Variants in HPD observed in about 807,000 individuals in gnomAD.
The protein encoded by HPD is 4-hydroxyphenylpyruvate dioxygenase.
Under a neutral mutation model 56.9 loss-of-function variants are expected in HPD, and 35 were observed. That is an observed-to-expected ratio of 0.62 (90% CI 0.47 to 0.82). The LOEUF is 0.82. HPD is among the 40% of genes least tolerant of loss of function. HPD has a pLI of 0.00. For synonymous variants in HPD, 186 were observed against 200.2 expected, an observed-to-expected ratio of 0.93 and a Z score of 0.60; for missense variants, 442 against 506.8, an observed-to-expected ratio of 0.87 and a Z score of 1.23.
chr12:121,850,866 T>C (rs1208095893), intron 7 of HPD, among the ~76,000 whole-genome samples: 2 of 139,478 alleles, frequency 1.4e-5, no homozygotes, highest in Non-Finnish European at 3.1e-5. Context: ...ACCTGGCTAA[T>C]TTTTTTTTTT....
At chr12:121,869,441 C>T in the HPD span, among the ~76,000 whole-genome samples, 6 of 151,628 alleles carry the variant, frequency 4.0e-5, no homozygotes, top group African/African-American at 1.5e-4. Context: ...AGGGGGTCCT[C>T]CCGCCAAAGT....
At chr12:121,875,671 C>T in the HPD span, among the ~76,000 whole-genome samples, 1 of 152,066 alleles carries the variant, frequency 6.6e-6, no homozygotes, top group African/African-American at 2.4e-5. Flanking sequence ...AGTACACTGC[C>T]CACTTCGGCG....
chr12:121,873,491 C>T, the HPD span, among the ~76,000 whole-genome samples: 2 of 152,218 alleles, frequency 1.3e-5, no homozygotes, highest in African/African-American at 4.8e-5. Flanking sequence ...CCAGTCCAGC[C>T]TCCTCTGCTT....
rs1380554519 is a variant in HPD at position 121,852,012 on chromosome 12, C to T, written c.415-2222G>A. On this transcript the variant is annotated intron_variant, in intron 7 of 13. Transcript: ENST00000289004. ...TGCTGGGATTACAGGCGTGAGCCAC[C>T]GCGCCCGGCCTATTCATTTATTTTT... Among the ~76,000 whole-genome samples the T allele has an allele frequency of 5.2e-4, 2 of 3,830 alleles. 1 individual carries two copies. Among genetic ancestry groups the T allele is most frequent in the Non-Finnish European group, 1.6e-3 (2 of 1,270 alleles). 2.5% of individuals were successfully genotyped at this position (3,830 alleles called of 152,430 possible).
intron 12 of HPD, 137 bp downstream of exon 12, chr12:121,843,573 T>C: frequency 1.0e-6 from 1 of 961,978 alleles, no homozygotes; most frequent in East Asian, 2.6e-5. Flanking sequence ...TCCTCCCACA[T>C]AGACCCTAGA....
chr12:121,884,923 A>G, the HPD span, among the ~76,000 whole-genome samples: 1 of 152,030 alleles, frequency 6.6e-6, no homozygotes, highest in Non-Finnish European at 1.5e-5. Context: ...GAGTCTCACT[A>G]TATGGTCCAG....
upstream of HPD, among the ~76,000 whole-genome samples, chr12:121,866,722 T>C (rs964334241): frequency 1.3e-5 from 2 of 152,114 alleles, no homozygotes; most frequent in African/African-American, 4.8e-5. Flanking sequence ...TTTGTAAATA[T>C]GGCTTCTATT....
At chr12:121,850,164 G>A (rs1013489291) in intron 7 of HPD, among the ~76,000 whole-genome samples, 26 of 152,070 alleles carry the variant, frequency 1.7e-4, no homozygotes, top group Non-Finnish European at 5.9e-5. Flanking sequence ...GCTTAGGCCT[G>A]TAATCCCAGC....
upstream of HPD, among the ~76,000 whole-genome samples, chr12:121,863,180 C>T (rs1327925866): frequency 6.6e-6 from 1 of 151,814 alleles, no homozygotes; most frequent in Non-Finnish European, 1.5e-5. Flanking sequence ...GACAGGGCTT[C>T]GCCATGTTGG....
chr12:121,884,802 T>C, the HPD span, among the ~76,000 whole-genome samples: 2 of 152,114 alleles, frequency 1.3e-5, no homozygotes, highest in South Asian at 4.1e-4. Context: ...TAAATGTAAA[T>C]AATTTACATT....
chr12:121,849,356 G>T (rs924199314), intron 8 of HPD, among the ~76,000 whole-genome samples: 1 of 151,918 alleles, frequency 6.6e-6, no homozygotes, highest in African/African-American at 2.4e-5. Context: ...TTTACTAATG[G>T]GCCGGACATT....
rs567285153 is a variant in HPD, at chr12:121,850,535, A to C, written c.415-745T>G. ...GTCACTCAGGCTGGAGTGCATTGGCACGATCTCGGCTTACTGCAACCTCCA... is the reference window on the plus strand; with the variant it reads ...GTCACTCAGGCTGGAGTGCATTGGCCCGATCTCGGCTTACTGCAACCTCCA... On this transcript the variant is annotated intron_variant, in intron 7 of 13. Transcript: ENST00000289004. Among the ~76,000 whole-genome samples, 285 of 135,296 alleles carry C rather than the reference A, an allele frequency of 2.1e-3. 1 individual carries two copies. Among genetic ancestry groups the C allele is most frequent in the African/African-American group, 7.6e-3 (277 of 36,628 alleles). 88.8% of individuals were successfully genotyped at this position (135,296 alleles called of 152,430 possible).
intron 12 of HPD, among the ~76,000 whole-genome samples, chr12:121,840,425 C>T (rs1252551334): frequency 6.6e-6 from 1 of 152,098 alleles, no homozygotes; most frequent in Admixed American, 6.6e-5. Flanking sequence ...CTCAGCCTCC[C>T]GAGTAGCTGG....
At chr12:121,856,891 A>T in intron 4 of HPD, 2 of 555,286 alleles carry the variant, frequency 3.6e-6, no homozygotes, top group South Asian at 4.1e-5. Context: ...CGGTCAGGGC[A>T]CTGCTTAAAA....
the HPD span, among the ~76,000 whole-genome samples, chr12:121,880,369 A>G: frequency 6.6e-6 from 1 of 151,808 alleles, no homozygotes; most frequent in Non-Finnish European, 1.5e-5. Context: ...ATAATTTTTG[A>G]ATTTTTAATA....
upstream of HPD, among the ~76,000 whole-genome samples, chr12:121,866,495 A>G (rs1261561687): frequency 6.6e-6 from 1 of 151,962 alleles, no homozygotes; most frequent in East Asian, 1.9e-4. Context: ...AATTTTCCAC[A>G]GTACAAAACA....
the HPD span, among the ~76,000 whole-genome samples, chr12:121,885,504 T>A: frequency 1.3e-5 from 2 of 152,012 alleles, no homozygotes; most frequent in African/African-American, 4.8e-5. Flanking sequence ...CCGGCCTATA[T>A]CTGTATTCTT....
chr12:121,866,181 G>T (rs1343261298), upstream of HPD, among the ~76,000 whole-genome samples: 2 of 151,186 alleles, frequency 1.3e-5, no homozygotes, highest in African/African-American at 4.9e-5. Flanking sequence ...GGCGCCTGTA[G>T]TCCCAGCTAC....
At chr12:121,880,931 A>T in the HPD span, among the ~76,000 whole-genome samples, 1 of 152,138 alleles carries the variant, frequency 6.6e-6, no homozygotes, top group African/African-American at 2.4e-5. Flanking sequence ...AGTAGCTGGG[A>T]CTACAAGTGT....
Sources: gnomAD v4.1 joint callset for allele counts (sites outside exome capture counted in the v4.1 genomes callset) on GRCh38, gnomAD v4.1.1 for gene constraint, MANE v1.5 for transcripts, NCBI Gene and HGNC (gene_info 2026-07-23, HGNC 2026-07-21) for gene names.